The following CDH13 variants were observed in gnomAD, a reference collection of about 807,000 sequenced individuals.
The protein encoded by CDH13 is cadherin-13.
A neutral mutation model predicts 63.8 loss-of-function variants in CDH13; 24 were observed. The ratio of observed to expected loss-of-function variants is 0.38; its 90% confidence interval spans 0.27 to 0.53. CDH13 has a LOEUF of 0.53. CDH13 is among the 20% of genes least tolerant of loss of function. The pLI is 0.85. For synonymous variants in CDH13, 503 were observed against 355.3 expected, an observed-to-expected ratio of 1.42 and a Z score of -4.67; for missense variants, 1,049 against 903.1, an observed-to-expected ratio of 1.16 and a Z score of -2.07.
intron 4 of CDH13, among the ~76,000 whole-genome samples, chr16:83,128,726 A>G (rs1244346202): frequency 6.6e-6 from 1 of 152,258 alleles, no homozygotes; most frequent in Non-Finnish European, 1.5e-5. Context: ...CAATGGGTCC[A>G]TAAGCATGCA....
intron 1 of CDH13, among the ~76,000 whole-genome samples, chr16:82,747,234 T>C (rs988801301): frequency 1.3e-5 from 2 of 152,182 alleles, no homozygotes; most frequent in African/African-American, 4.8e-5. Flanking sequence ...TCAGCATACC[T>C]GGGACCTGGT....
chr16:83,421,241 G>A (rs1376550983), intron 6 of CDH13, among the ~76,000 whole-genome samples: 1 of 152,090 alleles, frequency 6.6e-6, no homozygotes, highest in Non-Finnish European at 1.5e-5. Context: ...GTGAAGAGAA[G>A]AATAAATATC....
chr16:83,576,573 C>T (rs868763892), intron 7 of CDH13, among the ~76,000 whole-genome samples: 11 of 152,160 alleles, frequency 7.2e-5, no homozygotes, highest in African/African-American at 2.4e-4. Context: ...ATACTAGCAC[C>T]ATATGTGGTA....
At chr16:83,385,382 T>C (rs541648705) in intron 6 of CDH13, among the ~76,000 whole-genome samples, 1 of 152,300 alleles carries the variant, frequency 6.6e-6, no homozygotes, top group South Asian at 2.1e-4. Context: ...GCTTCCAGAT[T>C]ATAATTTCTT....
intron 5 of CDH13, among the ~76,000 whole-genome samples, chr16:83,310,562 G>A (rs552597118): frequency 1.4e-4 from 21 of 152,324 alleles, no homozygotes; most frequent in African/African-American, 4.6e-4. Context: ...CTTCCACCAA[G>A]GCTATTGCCT....
intron 2 of CDH13, among the ~76,000 whole-genome samples, chr16:83,008,673 A>G (rs187637439): frequency 2.0e-5 from 3 of 152,204 alleles, no homozygotes; most frequent in East Asian, 1.9e-4. Context: ...GGATTGGGAA[A>G]TCAGTGAGGA....
intron 10 of CDH13, among the ~76,000 whole-genome samples, chr16:83,693,339 G>A (rs994075762): frequency 2.0e-5 from 3 of 152,320 alleles, no homozygotes; most frequent in South Asian, 2.1e-4. Context: ...ACGGTACATA[G>A]CATTAAATTA....
intron 2 of CDH13, among the ~76,000 whole-genome samples, chr16:82,897,505 C>T (rs1156981015): frequency 6.6e-6 from 1 of 152,220 alleles, no homozygotes; most frequent in Non-Finnish European, 1.5e-5. Context: ...TTTATCTGTA[C>T]TGTCTAGTTT....
intron 2 of CDH13, among the ~76,000 whole-genome samples, chr16:83,024,156 G>C (rs1197680729): frequency 6.6e-6 from 1 of 152,160 alleles, no homozygotes; most frequent in African/African-American, 2.4e-5. Flanking sequence ...TGTAGTACCA[G>C]CCAGCATTTC....
intron 1 of CDH13, chr16:82,639,539 T>TA: frequency 1.0e-6 from 1 of 957,854 alleles, no homozygotes; most frequent in Non-Finnish European, 1.6e-6. Context: ...CCCTGTTGCC[T>TA]AAGTCAGTGC....
At chr16:82,862,459 A>G (rs1165618994) in intron 2 of CDH13, among the ~76,000 whole-genome samples, 2 of 152,254 alleles carry the variant, frequency 1.3e-5, no homozygotes, top group African/African-American at 2.4e-5. Flanking sequence ...AGGAGAAACC[A>G]TACCCTTGAC....
chr16:82,700,333 C>A (rs1367004087), intron 1 of CDH13, among the ~76,000 whole-genome samples: 1 of 152,130 alleles, frequency 6.6e-6, no homozygotes, highest in African/African-American at 2.4e-5. Context: ...AAAGAACAGA[C>A]GATGAGAATC....
chr16:82,984,242 A>G (rs1295315254), intron 2 of CDH13, among the ~76,000 whole-genome samples: 1 of 152,202 alleles, frequency 6.6e-6, no homozygotes, highest in Non-Finnish European at 1.5e-5. Context: ...TAATTTGAAA[A>G]CCACACTGCT....
At chr16:83,376,829 C>T (rs912539810) in intron 6 of CDH13, among the ~76,000 whole-genome samples, 2 of 152,100 alleles carry the variant, frequency 1.3e-5, no homozygotes, top group Non-Finnish European at 2.9e-5. Context: ...AAGTGACACT[C>T]TGCCACTTCT....
intron 2 of CDH13, among the ~76,000 whole-genome samples, chr16:82,976,928 T>C (rs1281319783): frequency 3.3e-5 from 5 of 152,174 alleles, no homozygotes; most frequent in Non-Finnish European, 5.9e-5. Context: ...AATGGCTTGT[T>C]CTGAGGAGAG....
intron 2 of CDH13, among the ~76,000 whole-genome samples, chr16:82,988,539 A>T (rs1260791692): frequency 6.6e-6 from 1 of 152,058 alleles, no homozygotes; most frequent in Non-Finnish European, 1.5e-5. Context: ...AGGCGGGCAG[A>T]TCACCTGAGG....
intron 2 of CDH13, among the ~76,000 whole-genome samples, chr16:83,028,294 T>C (rs574223621): frequency 1.2e-3 from 181 of 152,330 alleles, no homozygotes; most frequent in Non-Finnish European, 2.1e-3. Flanking sequence ...GCATGTTCAA[T>C]TCATCTGGGC....
chr16:83,417,756 T>G (rs1287424604), intron 6 of CDH13, among the ~76,000 whole-genome samples: 1 of 152,138 alleles, frequency 6.6e-6, no homozygotes, highest in South Asian at 2.1e-4. Flanking sequence ...GACATGTATC[T>G]CCTGTTATAT....
rs567461660 is a variant in CDH13, at chr16:82,696,875, A to G, written c.45+69738A>G. ...GAAATAGGAGTCATCTGCAGGCTTG[A>G]CTGGGGCTGGAAGATCTGCTTTCAA... On this transcript the variant is annotated intron_variant, in intron 1 of 13. Transcript: ENST00000567109. Among the ~76,000 whole-genome samples, 5 of 152,278 alleles carry G rather than the reference A, an allele frequency of 3.3e-5. No homozygotes were observed. In the South Asian group the frequency reaches 1.0e-3, roughly 32 times the overall value.
Sources: gnomAD v4.1 joint callset for allele counts (sites outside exome capture counted in the v4.1 genomes callset) on GRCh38, gnomAD v4.1.1 for gene constraint, MANE v1.5 for transcripts, NCBI Gene and HGNC (gene_info 2026-07-23, HGNC 2026-07-21) for gene names.